The following ZNF423 variants were observed in gnomAD, a reference collection of about 807,000 sequenced individuals.
The protein encoded by ZNF423 is Ebf-associated zinc finger protein.
A neutral mutation model predicts 95.8 loss-of-function variants in ZNF423; 12 were observed. The observed-to-expected ratio is 0.13, with a 90% CI of 0.08 to 0.20. The LOEUF (loss-of-function observed/expected upper bound fraction) is 0.20. Among genes scored for constraint, ZNF423 ranks in the 10% least tolerant of loss-of-function variants. The probability of loss-of-function intolerance (pLI) is 1.00; values close to 1 mark genes in which losing one functional copy is unlikely to be tolerated. For synonymous variants in ZNF423, 749 were observed against 711.9 expected, an observed-to-expected ratio of 1.05 and a Z score of -0.83; for missense variants, 1,316 against 1,737.1, an observed-to-expected ratio of 0.76 and a Z score of 4.31.
At chr16:49,509,625 G>A (rs8062059) in intron 7 of ZNF423, among the ~76,000 whole-genome samples, 30,984 of 151,876 alleles carry the variant, frequency 0.2, 3,278 homozygotes, top group African/African-American at 0.28. Flanking sequence ...TCCACCCAGA[G>A]CACCCTGGTC....
At chr16:49,707,292 G>A (rs2143070048) in intron 3 of ZNF423, among the ~76,000 whole-genome samples, 1 of 152,230 alleles carries the variant, frequency 6.6e-6, no homozygotes, top group Admixed American at 6.5e-5. Context: ...CAGACCCAGG[G>A]TCAAGATGTG....
At chr16:49,834,998 G>A (rs931179246) in intron 1 of ZNF423, among the ~76,000 whole-genome samples, 1 of 152,064 alleles carries the variant, frequency 6.6e-6, no homozygotes, top group Admixed American at 6.5e-5. Context: ...GGGGGGCCAG[G>A]GCTGAGCGGC....
At chr16:49,653,257 ACCTGAAGGAAAC>A (rs998534842) in intron 3 of ZNF423, among the ~76,000 whole-genome samples, 4 of 143,816 alleles carry the variant, frequency 2.8e-5, no homozygotes, top group African/African-American at 1.0e-4. Flanking sequence ...TCTTGGGAGG[ACCTGAAGGAAAC>A]CCTGAACAGG....
rs149238208 is a variant in ZNF423 at position 49,659,169 on chromosome 16, G to A, written c.302-20295C>T. The stretch of plus-strand genomic sequence containing the variant: ...AGTGGCGCAATCATAGCTCACTGTG[G>A]CCTCAACCTCCTAGGCTCATGTGAT... On this transcript the variant is annotated intron_variant, in intron 3 of 7. Transcript: ENST00000563137. Among the ~76,000 whole-genome samples, 202 of 152,278 alleles carry A rather than the reference G, an allele frequency of 1.3e-3. 1 individual carries two copies. Among genetic ancestry groups the A allele is most frequent in the African/African-American group, 4.5e-3 (187 of 41,558 alleles).
intron 5 of ZNF423, among the ~76,000 whole-genome samples, chr16:49,554,220 G>C (rs1249595154): frequency 6.6e-6 from 1 of 152,182 alleles, no homozygotes; most frequent in Non-Finnish European, 1.5e-5. Flanking sequence ...GGAGTTTGAA[G>C]CATGCCTAAG....
chr16:49,612,950 A>G (rs1286194175), intron 5 of ZNF423, among the ~76,000 whole-genome samples: 1 of 152,104 alleles, frequency 6.6e-6, no homozygotes, highest in Non-Finnish European at 1.5e-5. Flanking sequence ...AAATAATTAG[A>G]TACATCTAAC....
intron 3 of ZNF423, among the ~76,000 whole-genome samples, chr16:49,643,068 G>A (rs111379626): frequency 5.9e-5 from 9 of 152,088 alleles, no homozygotes; most frequent in Non-Finnish European, 7.4e-5. Context: ...TGATCCACCC[G>A]CCTCAGCCTC....
At chr16:49,776,333 C>T (rs2143741414) in intron 2 of ZNF423, among the ~76,000 whole-genome samples, 1 of 152,334 alleles carries the variant, frequency 6.6e-6, no homozygotes, top group East Asian at 1.9e-4. Context: ...AGGCGATGCC[C>T]TGCCCAGCTT....
rs569328744 is a variant in ZNF423, at chr16:49,492,471, G to T, written c.3850-1167C>A. On this transcript the variant is annotated intron_variant, in intron 7 of 7. Coordinates refer to ENST00000563137, the MANE Select transcript of ZNF423 (RefSeq NM_001379286.1). This position sits in a 1 kb window ranked among gnomAD's most constrained non-coding sequence, Gnocchi z 4.2. ...ATGCCAGTAGCCTCGCCCGGAGGCC[G>T]AGGCCGGGGCCGGGGCCGGGGCCGG... Among the ~76,000 whole-genome samples, 1 of 151,342 alleles carries T rather than the reference G, an allele frequency of 6.6e-6. No individual in the cohort carries two copies. Among genetic ancestry groups the T allele is most frequent in the East Asian group, 2.0e-4 (1 of 5,122 alleles).
At chr16:49,501,778 CA>C (rs1423803029) in intron 7 of ZNF423, among the ~76,000 whole-genome samples, 1 of 151,942 alleles carries the variant, frequency 6.6e-6, no homozygotes. Flanking sequence ...AATGCAGACA[CA>C]GAAAACCAAA....
At chr16:49,507,643 C>G (rs1967699689) in intron 7 of ZNF423, among the ~76,000 whole-genome samples, 1 of 152,186 alleles carries the variant, frequency 6.6e-6, no homozygotes, top group African/African-American at 2.4e-5. Flanking sequence ...ACAACTCCCA[C>G]CACAAGCCCC....
intron 1 of ZNF423, among the ~76,000 whole-genome samples, chr16:49,826,262 G>A (rs2035004334): frequency 6.6e-6 from 1 of 152,138 alleles, no homozygotes; most frequent in Non-Finnish European, 1.5e-5. Context: ...GCTTTGATGT[G>A]CATTATTACA....
At chr16:49,728,154 A>T (rs967568568) in intron 3 of ZNF423, among the ~76,000 whole-genome samples, 3 of 152,082 alleles carry the variant, frequency 2.0e-5, no homozygotes, top group African/African-American at 7.2e-5. Context: ...TTCGAAAACC[A>T]CTGCACAATG....
At chr16:49,592,258 A>G (rs1444744744) in intron 5 of ZNF423, among the ~76,000 whole-genome samples, 1 of 152,242 alleles carries the variant, frequency 6.6e-6, no homozygotes, top group Non-Finnish European at 1.5e-5. Flanking sequence ...AGGTGAGATT[A>G]AGGGTGATTT....
chr16:49,526,122 G>C lies in ZNF423; in HGVS notation c.3602-628C>G, dbSNP rs555239868. ...TGGACAGGCTTGAAGCCCAGCATGG[G>C]AACACAGTGCCTGAGCTCAGAGGGC... On this transcript the variant is annotated intron_variant, in intron 5 of 7. Coordinates refer to ENST00000563137, the MANE Select transcript of ZNF423 (RefSeq NM_001379286.1). Among the ~76,000 whole-genome samples, 40 of 152,256 alleles carry C rather than the reference G, an allele frequency of 2.6e-4. No homozygotes were observed. The South Asian group carries it at 6.6e-3, about 25-fold the overall frequency.
intron 7 of ZNF423, among the ~76,000 whole-genome samples, chr16:49,497,333 G>A (rs1204655519): frequency 6.6e-6 from 1 of 152,214 alleles, no homozygotes; most frequent in African/African-American, 2.4e-5. Flanking sequence ...AGGTTGAGAA[G>A]CTCCAGCGCC....
chr16:49,517,492 G>T (rs12051465), intron 7 of ZNF423, among the ~76,000 whole-genome samples: 42,574 of 151,864 alleles, frequency 0.28, 6,498 homozygotes, highest in African/African-American at 0.42. Flanking sequence ...AGGTCAGACT[G>T]GATCCCCTAC....
chr16:49,740,205 A>C (rs2033385293), intron 2 of ZNF423, among the ~76,000 whole-genome samples: 1 of 152,010 alleles, frequency 6.6e-6, no homozygotes, highest in South Asian at 2.1e-4. Flanking sequence ...CTCCACCCTA[A>C]CAGCCTGCAC....
chr16:49,773,467 A>G (rs115671816), intron 2 of ZNF423, among the ~76,000 whole-genome samples: 422 of 152,338 alleles, frequency 2.8e-3, no homozygotes, highest in African/African-American at 9.5e-3. Flanking sequence ...GGGGGATTAC[A>G]ATTCAAGAGA....
Sources: gnomAD v4.1 joint callset for allele counts (sites outside exome capture counted in the v4.1 genomes callset) on GRCh38, gnomAD v4.1.1 for gene constraint, Gnocchi (gnomAD v3.1) non-coding constraint, MANE v1.5 for transcripts, NCBI Gene and HGNC (gene_info 2026-07-23, HGNC 2026-07-21) for gene names.